The following DSCAM variants were observed in gnomAD, a reference collection of about 807,000 sequenced individuals.
The protein encoded by DSCAM is cell adhesion molecule DSCAM.
Under a neutral mutation model 217.7 loss-of-function variants are expected in DSCAM, and 47 were observed. The observed-to-expected ratio is 0.22, with a 90% CI of 0.17 to 0.28. The LOEUF (loss-of-function observed/expected upper bound fraction) is 0.28. Ranked by LOEUF, DSCAM falls within the 10% of genes least tolerant of loss-of-function variation. The pLI is 1.00. For synonymous variants in DSCAM, 1,056 were observed against 1,015.3 expected (o/e 1.04, Z -0.76); for missense variants, 2,080 against 2,618.3 (o/e 0.79, Z 4.49).
chr21:40,095,681 AG>A (rs1441184983), intron 20 of DSCAM, among the ~76,000 whole-genome samples: 1 of 152,208 alleles, frequency 6.6e-6, no homozygotes, highest in Non-Finnish European at 1.5e-5. Context: ...TGAAGTTAAA[AG>A]TGAATGACAT....
chr21:40,416,145 G>T (rs2075369975), intron 3 of DSCAM, among the ~76,000 whole-genome samples: 1 of 152,056 alleles, frequency 6.6e-6, no homozygotes, highest in African/African-American at 2.4e-5. Context: ...TTCTGGATTG[G>T]ACACATTTGA....
intron 3 of DSCAM, among the ~76,000 whole-genome samples, chr21:40,459,827 A>G (rs1569132727): frequency 6.6e-6 from 1 of 151,598 alleles, no homozygotes. Flanking sequence ...CCAAAAAAAA[A>G]GAATAAATAA....
intron 3 of DSCAM, among the ~76,000 whole-genome samples, chr21:40,551,779 G>C (rs545207387): frequency 2.6e-5 from 4 of 152,216 alleles, no homozygotes; most frequent in Non-Finnish European, 5.9e-5. Context: ...TCCATCTTAG[G>C]ATCTCTATTT....
intron 11 of DSCAM, among the ~76,000 whole-genome samples, chr21:40,214,513 C>G (rs1333527376): frequency 6.6e-6 from 1 of 152,134 alleles, no homozygotes; most frequent in Non-Finnish European, 1.5e-5. Context: ...GAGATTCACA[C>G]TGTGAACTTT....
At chr21:40,522,671 C>T (rs1262691973) in intron 3 of DSCAM, among the ~76,000 whole-genome samples, 5 of 152,102 alleles carry the variant, frequency 3.3e-5, no homozygotes, top group African/African-American at 9.7e-5. Context: ...TAGGTGTGAT[C>T]GTCATGAGCA....
intron 1 of DSCAM, among the ~76,000 whole-genome samples, chr21:40,837,875 TA>T (rs2092069506): frequency 6.6e-6 from 1 of 152,198 alleles, no homozygotes; most frequent in Admixed American, 6.5e-5. Context: ...TTGTTATTTC[TA>T]CCCTGCAAGC....
intron 11 of DSCAM, among the ~76,000 whole-genome samples, chr21:40,235,262 C>T (rs1438164147): frequency 1.3e-5 from 2 of 152,138 alleles, no homozygotes; most frequent in African/African-American, 2.4e-5. Context: ...ACAGTGGTTT[C>T]ATATCAGTTA....
chr21:40,386,123 T>C (rs1406925901), intron 3 of DSCAM, among the ~76,000 whole-genome samples: 2 of 149,404 alleles, frequency 1.3e-5, no homozygotes, highest in African/African-American at 5.2e-5. Flanking sequence ...TTAATGGCCT[T>C]GCAGATCTTA....
At chr21:40,378,286 CAGG>C (rs1264143623) in intron 3 of DSCAM, among the ~76,000 whole-genome samples, 1 of 152,070 alleles carries the variant, frequency 6.6e-6, no homozygotes, top group Non-Finnish European at 1.5e-5. Context: ...TCTTTTCATA[CAGG>C]AGATTAGAAC....
At chr21:40,524,631 G>A (rs60229812) in intron 3 of DSCAM, among the ~76,000 whole-genome samples, 3,355 of 152,116 alleles carry the variant, frequency 0.022, 118 homozygotes, top group African/African-American at 0.076. Flanking sequence ...GAGTTTTCTG[G>A]TCAAGAATGA....
At chr21:40,154,672 G>T (rs2090458525) in intron 16 of DSCAM, among the ~76,000 whole-genome samples, 1 of 152,098 alleles carries the variant, frequency 6.6e-6, no homozygotes, top group Non-Finnish European at 1.5e-5. Flanking sequence ...CTCCCCCAAA[G>T]TCATTATCTT....
intron 3 of DSCAM, among the ~76,000 whole-genome samples, chr21:40,494,450 G>T (rs1048900700): frequency 6.6e-6 from 1 of 152,084 alleles, no homozygotes; most frequent in African/African-American, 2.4e-5. Flanking sequence ...AATTTTGGAA[G>T]ATTCACACAT....
intron 32 of DSCAM, 126 bp downstream of exon 32, chr21:40,042,245 G>T (rs1264509887): frequency 5.2e-6 from 5 of 965,216 alleles, no homozygotes; most frequent in Non-Finnish European, 7.6e-6. Flanking sequence ...GGTTTGTTAT[G>T]CAGCCATCCA....
chr21:40,206,076 A>G (rs533413511), intron 11 of DSCAM, among the ~76,000 whole-genome samples: 3 of 152,346 alleles, frequency 2.0e-5, no homozygotes, highest in African/African-American at 7.2e-5. Context: ...GAAATCTGAC[A>G]CAACGTGTAA....
At chr21:40,560,236 T>C (rs955062889) in intron 3 of DSCAM, among the ~76,000 whole-genome samples, 11 of 152,188 alleles carry the variant, frequency 7.2e-5, no homozygotes, top group Admixed American at 6.5e-5. Flanking sequence ...AGGAAGGCTC[T>C]TCTGTTGCTC....
intron 3 of DSCAM, among the ~76,000 whole-genome samples, chr21:40,393,173 C>A (rs560906690): frequency 6.6e-6 from 1 of 152,262 alleles, no homozygotes; most frequent in African/African-American, 2.4e-5. Flanking sequence ...TAAAGGTATA[C>A]TGCCAAAGAA....
chr21:40,630,082 G>A (rs2089667412), intron 3 of DSCAM, among the ~76,000 whole-genome samples: 1 of 152,188 alleles, frequency 6.6e-6, no homozygotes, highest in South Asian at 2.1e-4. Context: ...CCAACAGGAA[G>A]AGGTGTGGTG....
intron 3 of DSCAM, among the ~76,000 whole-genome samples, chr21:40,511,092 G>T (rs1320421774): frequency 1.3e-5 from 2 of 152,100 alleles, no homozygotes; most frequent in African/African-American, 4.8e-5. Flanking sequence ...AATAATAAAG[G>T]TTGGATTTAT....
intron 5 of DSCAM, among the ~76,000 whole-genome samples, chr21:40,348,899 T>A (rs2074596463): frequency 1.3e-5 from 2 of 151,922 alleles, no homozygotes; most frequent in South Asian, 4.2e-4. Flanking sequence ...CCCAGCACTT[T>A]GTGAGGCCAA....
Sources: allele counts gnomAD v4.1 joint callset (sites outside exome capture counted in the v4.1 genomes callset), GRCh38; gene constraint gnomAD v4.1.1; transcripts MANE v1.5; gene names NCBI Gene and HGNC (gene_info 2026-07-23, HGNC 2026-07-21).